EDIL3: variants seen among roughly 807,000 people sequenced by gnomAD.
EDIL3 encodes EGF like and discoidin domains 3.
EDIL3 carries 37 observed loss-of-function variants against 67.4 expected under a neutral mutation model. That is an observed-to-expected ratio of 0.55 (90% CI 0.42 to 0.72). The LOEUF (loss-of-function observed/expected upper bound fraction) is 0.72, where lower values mean the gene tolerates loss of function less well. Among genes scored for constraint, EDIL3 ranks in the 30% least tolerant of loss-of-function variants. EDIL3 has a pLI of 0.00. For missense variants in EDIL3, 527 were observed against 586.3 expected (o/e 0.90, Z 1.04); for synonymous variants, 195 against 196.3 (o/e 0.99, Z 0.05).
At chr5:84,172,418 T>C (rs1345828061) in intron 4 of EDIL3, among the ~76,000 whole-genome samples, 1 of 151,610 alleles carries the variant, frequency 6.6e-6, no homozygotes, top group South Asian at 2.1e-4. Flanking sequence ...TCTGACTATA[T>C]AAAAAATACA....
intron 1 of EDIL3, among the ~76,000 whole-genome samples, chr5:84,305,918 A>ATAGATAG (rs1554041204): frequency 1.5e-4 from 22 of 149,820 alleles, no homozygotes; most frequent in African/African-American, 5.0e-4. Flanking sequence ...TAAATAAATA[A>ATAGATAG]ATAGATAGAT....
At chr5:84,328,279 AATCT>A (rs753697290) in intron 1 of EDIL3, among the ~76,000 whole-genome samples, 4 of 152,038 alleles carry the variant, frequency 2.6e-5, no homozygotes, top group Non-Finnish European at 5.9e-5. Flanking sequence ...AGATGGAATC[AATCT>A]ATGTGCATCA....
intron 9 of EDIL3, among the ~76,000 whole-genome samples, chr5:84,035,219 A>T (rs1437567019): frequency 2.0e-5 from 3 of 152,254 alleles, no homozygotes; most frequent in Admixed American, 6.5e-5. Context: ...CTTTAGCGGT[A>T]CCAGGGAGCA....
In EDIL3 at chr5:83,941,904, T is replaced by C. The variant is rs1287722403; in HGVS notation, c.*1515A>G. 2 of 152,152 alleles carry C rather than the reference T, an allele frequency of 1.3e-5. No homozygotes were observed. Among genetic ancestry groups the C allele is most frequent in the Non-Finnish European group, 2.9e-5 (2 of 67,936 alleles). The allele number at this position is 152,152 out of a possible 1,614,324, so 9.4% of individuals were successfully genotyped here. A position where few individuals can be genotyped will look rare whatever the true frequency, so the allele number is the denominator to read the frequency against. On this transcript the variant is annotated 3_prime_UTR_variant, in exon 11 of 11. Coordinates refer to ENST00000296591, the MANE Select transcript of EDIL3 (RefSeq NM_005711.5). ...CCATATATACATCATTAAGAAATGCTGTTAACACATGGACAGACAAGACAG... is the reference window on the plus strand; with the variant it reads ...CCATATATACATCATTAAGAAATGCCGTTAACACATGGACAGACAAGACAG...
rs546738701 is a variant in EDIL3, at chr5:84,361,540, T to A, written c.67+22768A>T. Among the ~76,000 whole-genome samples, 3 of 152,178 alleles carry A rather than the reference T, an allele frequency of 2.0e-5. 1 individual carries two copies. In the South Asian group the frequency reaches 6.2e-4, roughly 32 times the overall value. On this transcript the variant is annotated intron_variant, in intron 1 of 10. Coordinates refer to ENST00000296591, the MANE Select transcript of EDIL3 (RefSeq NM_005711.5). ...TAACTATTGCCCATTCTTTAAAAGA[T>A]TCTATTATTTTAGATTTAATAGGTT... is the stretch of plus-strand genomic sequence containing the variant.
At chr5:84,056,010 C>T (rs528172916) in intron 9 of EDIL3, among the ~76,000 whole-genome samples, 7 of 152,214 alleles carry the variant, frequency 4.6e-5, no homozygotes, top group South Asian at 2.1e-4. Context: ...CACATGCACA[C>T]GTATGTTTAT....
At chr5:84,284,444 T>C (rs922653732) in intron 1 of EDIL3, among the ~76,000 whole-genome samples, 9 of 152,146 alleles carry the variant, frequency 5.9e-5, no homozygotes, top group South Asian at 2.1e-4. Context: ...CTCCAGACCA[T>C]GAAATTGTTA....
At chr5:84,106,888 G>A in intron 5 of EDIL3, 58 bp from the exon 6 acceptor site, 2 of 1,483,066 alleles carry the variant, frequency 1.3e-6, no homozygotes, top group Non-Finnish European at 1.8e-6. Flanking sequence ...TATACAACAT[G>A]TGTCTGTTCG....
intron 5 of EDIL3, among the ~76,000 whole-genome samples, chr5:84,111,468 C>T (rs1211345944): frequency 2.0e-5 from 3 of 152,152 alleles, no homozygotes; most frequent in Admixed American, 1.3e-4. Flanking sequence ...ATCACTCCAT[C>T]CGTTCATTTA....
intron 9 of EDIL3, among the ~76,000 whole-genome samples, chr5:84,020,858 C>A (rs531300158): frequency 1.3e-5 from 2 of 152,100 alleles, no homozygotes; most frequent in South Asian, 4.1e-4. Context: ...ATCTCACATA[C>A]ACATACATAT....
chr5:84,095,455 T>A (rs1428318152), intron 6 of EDIL3, among the ~76,000 whole-genome samples: 1 of 152,122 alleles, frequency 6.6e-6, no homozygotes, highest in Admixed American at 6.6e-5. Context: ...CAGGCTGAGG[T>A]GGTCTCAGAT....
rs188919825 is a variant in EDIL3, at chr5:84,115,324, C to T, written c.470-8494G>A. ...AAAATGTGGCTATGTTTTCTTCACA[C>T]TGTGTGTTATCTCAAGCCAATTATG... On this transcript the variant is annotated intron_variant, in intron 5 of 10. Transcript: ENST00000296591. Among the ~76,000 whole-genome samples the T allele has an allele frequency of 5.8e-3, 878 of 152,244 alleles. 5 individuals are homozygous for T. The highest frequency in any genetic ancestry group is 8.8e-3 in the Non-Finnish European group (598 of 68,020).
intron 6 of EDIL3, among the ~76,000 whole-genome samples, chr5:84,086,101 G>A (rs1747064692): frequency 6.6e-6 from 1 of 152,194 alleles, no homozygotes; most frequent in Non-Finnish European, 1.5e-5. Flanking sequence ...TGGGCTCCAT[G>A]GGAGTGGGAC....
intron 9 of EDIL3, among the ~76,000 whole-genome samples, chr5:84,002,014 A>G (rs1745339922): frequency 6.6e-6 from 1 of 152,098 alleles, no homozygotes; most frequent in Non-Finnish European, 1.5e-5. Flanking sequence ...ATCTCTGGTG[A>G]ACTGATACAA....
intron 9 of EDIL3, among the ~76,000 whole-genome samples, chr5:84,000,399 A>G (rs1745312046): frequency 2.0e-5 from 3 of 152,176 alleles, no homozygotes; most frequent in African/African-American, 7.2e-5. Context: ...AAAAAGTGAA[A>G]AAGCGGGGGA....
At chr5:84,363,023 A>T (rs1387162996) in intron 1 of EDIL3, among the ~76,000 whole-genome samples, 2 of 152,128 alleles carry the variant, frequency 1.3e-5, no homozygotes, top group African/African-American at 4.8e-5. Context: ...TATGTAACCT[A>T]TATTACTAAC....
At chr5:84,085,203 C>T (rs964422331) in intron 6 of EDIL3, among the ~76,000 whole-genome samples, 1 of 152,154 alleles carries the variant, frequency 6.6e-6, no homozygotes, top group Non-Finnish European at 1.5e-5. Context: ...CATTCTCTGT[C>T]CAGTTTTGCA....
chr5:84,261,001 A>C (rs1029427872), intron 1 of EDIL3, among the ~76,000 whole-genome samples: 7 of 152,224 alleles, frequency 4.6e-5, no homozygotes, highest in African/African-American at 1.7e-4. Context: ...ATCTGTGACA[A>C]TGCAGCTCTG....
At chr5:84,263,029 G>C (rs1745267319) in intron 1 of EDIL3, among the ~76,000 whole-genome samples, 1 of 152,086 alleles carries the variant, frequency 6.6e-6, no homozygotes, top group Admixed American at 6.5e-5. Context: ...CCAATCATTA[G>C]TTAATATTTA....
Sources: allele counts gnomAD v4.1 joint callset (sites outside exome capture counted in the v4.1 genomes callset), GRCh38; gene constraint gnomAD v4.1.1; transcripts MANE v1.5; gene names NCBI Gene and HGNC (gene_info 2026-07-23, HGNC 2026-07-21).